APTX: variants seen among roughly 807,000 people sequenced by gnomAD.
The protein encoded by APTX is aprataxin, also known as forkhead-associated domain histidine triad-like protein.
In APTX, 33 loss-of-function variants were observed where a neutral mutation model predicts 42.3. The ratio of observed to expected loss-of-function variants is 0.78; its 90% CI spans 0.59 to 1.04. The LOEUF (loss-of-function observed/expected upper bound fraction) is 1.04. Ranked by LOEUF, APTX falls within the 50% of genes least tolerant of loss-of-function variation. The probability of loss-of-function intolerance (pLI) is 0.00; values close to 1 mark genes in which losing one functional copy is unlikely to be tolerated. For synonymous variants in APTX, 130 were observed against 146.7 expected, an observed-to-expected ratio of 0.89 and a Z score of 0.82; for missense variants, 421 against 415.1, an observed-to-expected ratio of 1.01 and a Z score of -0.12.
intron 6 of APTX, among the ~76,000 whole-genome samples, chr9:32,975,131 AAG>A (rs1829073616): frequency 6.6e-6 from 1 of 152,098 alleles, no homozygotes; most frequent in Non-Finnish European, 1.5e-5. Context: ...GCAACCAAGA[AAG>A]AGAAAGAAGG....
intron 4 of APTX, among the ~76,000 whole-genome samples, chr9:32,987,210 C>T (rs1314331018): frequency 2.0e-5 from 3 of 152,184 alleles, no homozygotes; most frequent in Non-Finnish European, 1.5e-5. Flanking sequence ...GCAGCTACAG[C>T]CTGACCAATT....
intron 1 of APTX, among the ~76,000 whole-genome samples, chr9:32,998,371 C>A (rs192738214): frequency 6.6e-6 from 1 of 152,210 alleles, no homozygotes; most frequent in Admixed American, 6.5e-5. Flanking sequence ...GGATGGTGGT[C>A]ACATAGGTAT....
chr9:33,003,304 T>C (rs17324462), upstream of APTX, among the ~76,000 whole-genome samples: 10,731 of 152,294 alleles, frequency 0.07, 511 homozygotes, highest in Non-Finnish European at 0.11. Context: ...TGGCACAATG[T>C]ATAGCTAAAG....
chr9:33,024,874 G>GC (rs1393591345), intron 1 of APTX: 2 of 94,982 alleles, frequency 2.1e-5, no homozygotes, highest in Admixed American at 2.2e-4. Context: ...GGGGGGGGGG[G>GC]GGGCAAGACT....
At chr9:33,018,347 C>A (rs1221271080) in intron 1 of APTX, among the ~76,000 whole-genome samples, 1 of 151,854 alleles carries the variant, frequency 6.6e-6, no homozygotes, top group Non-Finnish European at 1.5e-5. Flanking sequence ...GTGGGCGGAT[C>A]ACCTGAGGTC....
In APTX at chr9:32,977,478, C is replaced by T. The variant is rs147414536; in HGVS notation, c.771-2917G>A. Among the ~76,000 whole-genome samples the T allele has an allele frequency of 1.8e-4, 28 of 151,490 alleles. 2 individuals carry two copies. The highest frequency in any genetic ancestry group is 6.5e-4 in the African/African-American group (27 of 41,274). On this transcript the variant is annotated intron_variant, in intron 6 of 7. Transcript: ENST00000379817. ...CAGACTGGGAGAGAGGGTGAGACTC[C>T]CATCTCTTAAAACAAAAACGAAAAC...
At chr9:32,986,054 ACAAAAAAAAAAAAAAACAAGCAATGT>A in intron 4 of APTX, 24 bp from the exon 5 acceptor site, 3 of 665,306 alleles carry the variant, frequency 4.5e-6, no homozygotes, top group Non-Finnish European at 6.6e-6. Flanking sequence ...AAAAAAAAAA[ACAAAAAAAAAAAAAAACAAGCAATGT>A]AAATTACAAA....
At chr9:33,016,765 A>G (rs938199611) in intron 1 of APTX, among the ~76,000 whole-genome samples, 1 of 152,166 alleles carries the variant, frequency 6.6e-6, no homozygotes, top group Non-Finnish European at 1.5e-5. Flanking sequence ...GAGCTCAGCA[A>G]TTAGGCACTC....
At chr9:32,983,162 T>C (rs1290812885) in intron 6 of APTX, among the ~76,000 whole-genome samples, 1 of 152,004 alleles carries the variant, frequency 6.6e-6, no homozygotes, top group Non-Finnish European at 1.5e-5. Context: ...GATCCCTAAA[T>C]ATTTACTCAA....
chr9:32,992,246 C>T (rs915718706), intron 1 of APTX, among the ~76,000 whole-genome samples: 1 of 152,092 alleles, frequency 6.6e-6, no homozygotes, highest in African/African-American at 2.4e-5. Flanking sequence ...AAAAGAAACC[C>T]GATTTTTAAA....
At chr9:33,014,175 G>A (rs968368378) in intron 1 of APTX, among the ~76,000 whole-genome samples, 3 of 152,174 alleles carry the variant, frequency 2.0e-5, no homozygotes, top group African/African-American at 4.8e-5. Flanking sequence ...CTGCTCTGAG[G>A]GACAACCTGG....
At chr9:33,013,478 G>A (rs566220307) in intron 1 of APTX, among the ~76,000 whole-genome samples, 1 of 152,294 alleles carries the variant, frequency 6.6e-6, no homozygotes, top group East Asian at 1.9e-4. Flanking sequence ...ACTTCTTCAC[G>A]ATGAAGACAA....
chr9:33,011,178 G>C (rs1564002094), intron 1 of APTX, among the ~76,000 whole-genome samples: 1 of 152,060 alleles, frequency 6.6e-6, no homozygotes, highest in Non-Finnish European at 1.5e-5. Flanking sequence ...AGGATGTCTT[G>C]GTAGTGTGGG....
At chr9:33,001,344 G>C (rs1189366081) in intron 1 of APTX, 1 of 1,526,980 alleles carries the variant, frequency 6.5e-7, no homozygotes, top group Admixed American at 2.0e-5. Flanking sequence ...GGTGTCGGGA[G>C]CACACGTGAA....
intron 1 of APTX, among the ~76,000 whole-genome samples, chr9:33,023,116 A>C (rs956721411): frequency 6.6e-6 from 1 of 152,090 alleles, no homozygotes; most frequent in African/African-American, 2.4e-5. Context: ...GGCTTGAGCC[A>C]CCATGCACCC....
At chr9:33,006,027 T>A (rs552302809), upstream of APTX, among the ~76,000 whole-genome samples, 891 of 152,276 alleles carry the variant, frequency 5.9e-3, 8 homozygotes, top group African/African-American at 0.02. Context: ...TATTCTTTTT[T>A]TTTTCAAGAT....
chr9:32,986,124 G>T, intron 4 of APTX, 94 bp from the exon 5 acceptor site: 1 of 1,127,902 alleles, frequency 8.9e-7, no homozygotes, highest in Non-Finnish European at 1.3e-6. Context: ...AGTTAATACT[G>T]TGTGATAGCA....
intron 1 of APTX, among the ~76,000 whole-genome samples, chr9:32,994,762 T>C (rs1452673749): frequency 4.6e-5 from 7 of 152,232 alleles, no homozygotes; most frequent in African/African-American, 9.6e-5. Context: ...ATCTAGGACT[T>C]TCACAGGTAG....
rs1273456339 is a variant in APTX at position 32,984,618 on chromosome 9, C to G, written c.770+13G>C. 2 of 1,612,688 alleles carry G rather than the reference C, an allele frequency of 1.2e-6. No individual in the cohort carries two copies. The highest frequency in any genetic ancestry group is 1.7e-6 in the Non-Finnish European group (2 of 1,178,676). On this transcript the variant is annotated intron_variant, in intron 6 of 7. Coordinates refer to ENST00000379817, the MANE Select transcript of APTX (RefSeq NM_001195248.2). ...CAGAACCAGGAGCCAGCAGCACTAC[C>G]CACCTGGCTTACCTCATACTCGGAA...
Sources: allele counts gnomAD v4.1 joint callset (sites outside exome capture counted in the v4.1 genomes callset), GRCh38; gene constraint gnomAD v4.1.1; transcripts MANE v1.5; gene names NCBI Gene and HGNC (gene_info 2026-07-23, HGNC 2026-07-21).